The following AQP7 variants were observed in gnomAD, a reference collection of about 807,000 sequenced individuals.
AQP7 encodes aquaporin-7.
A neutral mutation model predicts 26.1 loss-of-function variants in AQP7; 22 were observed. The observed-to-expected ratio is 0.84, with a 90% CI of 0.60 to 1.20. AQP7 has a LOEUF of 1.20. Ranked by LOEUF, AQP7 falls within the 50% of genes most tolerant of loss-of-function variation. The probability of loss-of-function intolerance (pLI) is 0.00; values close to 1 mark genes in which losing one functional copy is unlikely to be tolerated. For missense variants in AQP7, 412 were observed against 457.5 expected, an observed-to-expected ratio of 0.90 and a Z score of 0.91; for synonymous variants, 167 against 181.7, an observed-to-expected ratio of 0.92 and a Z score of 0.65.
In AQP7 at chr9:33,386,480, C is replaced by T; in HGVS notation, c.330G>A (p.Arg110=). Residue 110 remains arginine (R), a synonymous_variant, in exon 5 of 8, where the codon AGG becomes AGA. Transcript: ENST00000297988. The part of the protein sequence containing the change: ...ANCALGRVPW[R]KFPVYVLGQF... ...GCCCCAGCACATAGACCGGAAACTT[C>T]CTCCAGGGCACGCGGCCCAGCGCAC... 1.2e-6 allele frequency: 2 copies of T among 1,612,506 alleles called. No individual in the cohort carries two copies. The highest frequency in any genetic ancestry group is 1.7e-6 in the Non-Finnish European group (2 of 1,179,362).
intron 2 of AQP7, among the ~76,000 whole-genome samples, chr9:33,397,100 CAAA>C (rs35294363): frequency 1.2e-4 from 9 of 78,206 alleles, no homozygotes; most frequent in Admixed American, 2.6e-4. Context: ...CACCCTGTCT[CAAA>C]AAAAAAAAAA....
In AQP7 at chr9:33,385,004, C is replaced by CT; in HGVS notation, c.1029dup. 6.2e-7 allele frequency: 1 copy of CT among 1,607,406 alleles called. No individual in the cohort carries two copies. Among genetic ancestry groups the CT allele is most frequent in the Non-Finnish European group, 8.5e-7 (1 of 1,177,108 alleles). ...TGGATGGGATCACAAATAATCTCTGCTTAGAAGTGCTCTAGGGCCATGGAT... is the reference window on the plus strand; with the variant it reads ...TGGATGGGATCACAAATAATCTCTGCTTTAGAAGTGCTCTAGGGCCATGGAT... On this transcript the variant is annotated 3_prime_UTR_variant, in exon 8 of 8. Coordinates refer to ENST00000297988, the MANE Select transcript of AQP7 (RefSeq NM_001170.3).
intron 3 of AQP7, among the ~76,000 whole-genome samples, chr9:33,387,340 C>A (rs1417365172): frequency 6.6e-6 from 1 of 152,130 alleles, no homozygotes; most frequent in African/African-American, 2.4e-5. Flanking sequence ...GAAGCTCTTA[C>A]GACAAACATC....
chr9:33,397,994 A>G (rs552670512), intron 2 of AQP7, among the ~76,000 whole-genome samples: 1 of 152,196 alleles, frequency 6.6e-6, no homozygotes, highest in East Asian at 1.9e-4. Context: ...GTGGGAAGAA[A>G]AGCAATCAAT....
chr9:33,401,794 T>C, intron 1 of AQP7: 1 of 162,090 alleles, frequency 6.2e-6, no homozygotes, highest in Non-Finnish European at 1.4e-5. Flanking sequence ...TTTGTACTCC[T>C]ATCTTTATCT....
chr9:33,385,578 A>AC, intron 7 of AQP7, 71 bp downstream of exon 7: 3 of 1,558,518 alleles, frequency 1.9e-6, no homozygotes, highest in Non-Finnish European at 2.6e-6. Flanking sequence ...CCCTCACATC[A>AC]CCCCCCACCC....
intron 3 of AQP7, among the ~76,000 whole-genome samples, chr9:33,389,693 C>T (rs953538248): frequency 1.1e-4 from 16 of 151,964 alleles, no homozygotes; most frequent in African/African-American, 3.1e-4. Flanking sequence ...ACATGAGGGC[C>T]GAAGTCAAAG....
At chr9:33,402,084 G>C (rs549186496) in intron 1 of AQP7, among the ~76,000 whole-genome samples, 1 of 152,240 alleles carries the variant, frequency 6.6e-6, no homozygotes, top group African/African-American at 2.4e-5. Context: ...TCTGCTGACA[G>C]CCCAGCTCAG....
chr9:33,387,684 A>G (rs3860976), intron 3 of AQP7, among the ~76,000 whole-genome samples: 1 of 150,650 alleles, frequency 6.6e-6, no homozygotes, highest in Non-Finnish European at 1.5e-5. Flanking sequence ...TCAGATAATG[A>G]CGCCTTCACA....
chr9:33,401,236 C>A lies in AQP7; in HGVS notation c.26+1G>T, dbSNP rs1445050621. The stretch of plus-strand genomic sequence containing the variant: ...GGGTGAGAAGAGGGTGGGGTACTTA[C>A]CGCCTGTGCCCGGATGCTTGAACCA... On this transcript the variant is annotated splice_donor_variant, in intron 2 of 7. Transcript: ENST00000297988. LOFTEE classifies it high-confidence loss of function. 1.3e-6 allele frequency: 2 copies of A among 1,549,290 alleles called. No individual in the cohort carries two copies. The highest frequency in any genetic ancestry group is 2.4e-5 in the South Asian group (2 of 83,960).
intron 3 of AQP7, among the ~76,000 whole-genome samples, chr9:33,392,036 G>A (rs191435379): frequency 4.1e-4 from 63 of 152,252 alleles, no homozygotes; most frequent in Admixed American, 2.9e-3. Flanking sequence ...ATACTGGGCC[G>A]GGCACGGTGA....
At chr9:33,395,314 T>C (rs535316883) in intron 2 of AQP7, 119 bp from the exon 3 acceptor site, 22 of 804,614 alleles carry the variant, frequency 2.7e-5, no homozygotes, top group African/African-American at 2.2e-4. Context: ...CACACACGCC[T>C]CCTCTTGCGC....
In AQP7 at chr9:33,386,435, C is replaced by T; in HGVS notation, c.375G>A (p.Leu125=). 1 of 1,610,940 alleles carries T rather than the reference C, an allele frequency of 6.2e-7. No homozygotes were observed. Among genetic ancestry groups the T allele is most frequent in the Non-Finnish European group, 8.5e-7 (1 of 1,178,906 alleles). The part of the protein sequence containing the change: ...YVLGQFLGSF[L]AAATIYSLFY... ...AGAGACTGTAGATGGTGGCAGCCGCCAGGAAGGAGCCCAGGAACTGCCCCA... is the reference window on the plus strand; with the variant it reads ...AGAGACTGTAGATGGTGGCAGCCGCTAGGAAGGAGCCCAGGAACTGCCCCA... The change falls in exon 5 of 8, where the codon CTG becomes CTA. Residue 125 remains leucine (L), a synonymous_variant. Transcript: ENST00000297988.
intron 3 of AQP7, among the ~76,000 whole-genome samples, chr9:33,388,573 T>C (rs1385055728): frequency 6.6e-6 from 1 of 152,244 alleles, no homozygotes; most frequent in Non-Finnish European, 1.5e-5. Flanking sequence ...GTATTACTAC[T>C]AAATAATAAT....
Position 33,386,445 on chromosome 9 carries a change from C to T in AQP7, c.365G>A (p.Gly122Asp), listed in dbSNP as rs1236871781. Residue 122 changes from glycine to aspartate, a missense_variant, in exon 5 of 8, where the codon GGC becomes GAC. Gly to Asp is a moderately conservative substitution (Grantham distance 94). Transcript: ENST00000297988. ...FPVYVLGQFL[G>D]SFLAAATIYS... is the part of the protein sequence containing the mutation. Reference sequence around the variant, plus strand: ...GATGGTGGCAGCCGCCAGGAAGGAGCCCAGGAACTGCCCCAGCACATAGAC... The same window carrying T: ...GATGGTGGCAGCCGCCAGGAAGGAGTCCAGGAACTGCCCCAGCACATAGAC... 6.2e-7 allele frequency: 1 copy of T among 1,610,978 alleles called. No individual in the cohort carries two copies.
intron 3 of AQP7, among the ~76,000 whole-genome samples, chr9:33,388,628 TCAC>T (rs1381226220): frequency 1.3e-5 from 2 of 152,216 alleles, no homozygotes; most frequent in Non-Finnish European, 2.9e-5. Context: ...GTTATACTGA[TCAC>T]CTCCTTTAAC....
chr9:33,390,910 G>C (rs1014512234), intron 3 of AQP7, among the ~76,000 whole-genome samples: 1 of 152,220 alleles, frequency 6.6e-6, no homozygotes, highest in Non-Finnish European at 1.5e-5. Flanking sequence ...AGGAGTTCGA[G>C]ACCTGCCTGG....
rs576600780 is a variant in AQP7 at position 33,400,250 on chromosome 9, G to A, written c.26+987C>T. ...AATAAGTAAGTACATTTGTATAAGC[G>A]AAGGTACCAGCTCCTACGGAAAAAA... On this transcript the variant is annotated intron_variant, in intron 2 of 7. Coordinates refer to ENST00000297988, the MANE Select transcript of AQP7 (RefSeq NM_001170.3). Among the ~76,000 whole-genome samples the A allele has an allele frequency of 3.3e-5, 5 of 152,190 alleles. No individual in the cohort carries two copies. In the East Asian group the frequency reaches 7.7e-4, roughly 23 times the overall value.
At chr9:33,391,490 C>G (rs1263513152) in intron 3 of AQP7, 4 of 318,110 alleles carry the variant, frequency 1.3e-5, no homozygotes, top group Middle Eastern at 1.1e-3. Context: ...CGGATGGCTC[C>G]AGCCCCTCCT....
Sources: gnomAD v4.1 joint callset for allele counts (sites outside exome capture counted in the v4.1 genomes callset) on GRCh38, gnomAD v4.1.1 for gene constraint, MANE v1.5 for transcripts, NCBI Gene and HGNC (gene_info 2026-07-23, HGNC 2026-07-21) for gene names.